TSPAN5: variants seen among roughly 807,000 people sequenced by gnomAD.
TSPAN5 encodes the protein tetraspanin-5.
In TSPAN5, 10 loss-of-function variants were observed where a neutral mutation model predicts 37.1. That is an observed-to-expected ratio of 0.27 (90% CI 0.17 to 0.46). The LOEUF (loss-of-function observed/expected upper bound fraction) is 0.46, where lower values mean the gene tolerates loss of function less well. TSPAN5 is among the 20% of genes least tolerant of loss of function. The pLI, the probability that TSPAN5 is intolerant of heterozygous loss-of-function variation, is 1.00. For missense variants in TSPAN5, 195 were observed against 326.6 expected, an observed-to-expected ratio of 0.60 and a Z score of 3.11; for synonymous variants, 110 against 118.9, an observed-to-expected ratio of 0.93 and a Z score of 0.48.
At chr4:98,638,267 A>G (rs1756898716) in intron 1 of TSPAN5, among the ~76,000 whole-genome samples, 1 of 152,212 alleles carries the variant, frequency 6.6e-6, no homozygotes, top group Non-Finnish European at 1.5e-5. Flanking sequence ...AGGTACAACA[A>G]TGTCAGTAAA....
chr4:98,592,285 C>G (rs1037597101), intron 1 of TSPAN5, among the ~76,000 whole-genome samples: 3 of 149,476 alleles, frequency 2.0e-5, no homozygotes, highest in South Asian at 4.2e-4. Flanking sequence ...AAAGACCAGA[C>G]AGAACCAGTA....
At chr4:98,550,707 T>C (rs537378582) in intron 1 of TSPAN5, among the ~76,000 whole-genome samples, 2 of 152,104 alleles carry the variant, frequency 1.3e-5, no homozygotes, top group South Asian at 4.2e-4. Flanking sequence ...GAAAAGCTAC[T>C]GATTTCTATA....
intron 1 of TSPAN5, among the ~76,000 whole-genome samples, chr4:98,531,396 A>AACTCAT (rs2110128980): frequency 6.6e-6 from 1 of 152,322 alleles, no homozygotes; most frequent in African/African-American, 2.4e-5. Flanking sequence ...AAAGGACATG[A>AACTCAT]ACTCATCCTT....
At chr4:98,606,577 T>C (rs186150404) in intron 1 of TSPAN5, among the ~76,000 whole-genome samples, 52 of 152,332 alleles carry the variant, frequency 3.4e-4, no homozygotes, top group African/African-American at 1.2e-3. Flanking sequence ...AAAACATACT[T>C]TGAAGTATTT....
chr4:98,541,790 C>T (rs1287132826), intron 1 of TSPAN5, among the ~76,000 whole-genome samples: 1 of 152,036 alleles, frequency 6.6e-6, no homozygotes, highest in African/African-American at 2.4e-5. Flanking sequence ...AATCACCTCA[C>T]CCATCTGGGT....
chr4:98,558,309 A>G (rs989982117), intron 1 of TSPAN5, among the ~76,000 whole-genome samples: 2 of 152,216 alleles, frequency 1.3e-5, no homozygotes, highest in South Asian at 2.1e-4. Flanking sequence ...ATGGGTGCAC[A>G]GTAAATGGAA....
chr4:98,470,421 TA>T lies in TSPAN5; in HGVS notation c.*2100del, dbSNP rs1752555589. ...CCTTTATTACAATCACTCTCAAGTG[TA>T]AAAAATAAAGGGTGATTAATTAATA... On this transcript the variant is annotated 3_prime_UTR_variant, in exon 8 of 8. Coordinates refer to ENST00000305798, the MANE Select transcript of TSPAN5 (RefSeq NM_005723.4). The T allele has an allele frequency of 6.6e-6, 1 of 152,190 alleles. No individual in the cohort carries two copies. Among genetic ancestry groups the T allele is most frequent in the Non-Finnish European group, 1.5e-5 (1 of 68,034 alleles). The allele number at this position is 152,190 out of a possible 1,614,324, so 9.4% of individuals were successfully genotyped here. A position where few individuals can be genotyped will look rare whatever the true frequency, so the allele number is the denominator to read the frequency against.
chr4:98,510,239 G>A (rs1365720809), intron 1 of TSPAN5, among the ~76,000 whole-genome samples: 1 of 152,188 alleles, frequency 6.6e-6, no homozygotes, highest in Non-Finnish European at 1.5e-5. Flanking sequence ...CTTCTAAGCA[G>A]AGGAGCAGAG....
chr4:98,570,948 G>A (rs541866485), intron 1 of TSPAN5, among the ~76,000 whole-genome samples: 62 of 151,650 alleles, frequency 4.1e-4, no homozygotes, highest in Middle Eastern at 3.4e-3. Flanking sequence ...AGAGGTGGAG[G>A]TTGCAGCGAG....
At chr4:98,543,827 G>A (rs771314643) in intron 1 of TSPAN5, among the ~76,000 whole-genome samples, 5 of 151,872 alleles carry the variant, frequency 3.3e-5, no homozygotes, top group African/African-American at 7.3e-5. Flanking sequence ...TGAACTTCAC[G>A]ACATTTGATT....
At chr4:98,518,485 G>A (rs1362743714) in intron 1 of TSPAN5, among the ~76,000 whole-genome samples, 2 of 152,206 alleles carry the variant, frequency 1.3e-5, no homozygotes, top group African/African-American at 4.8e-5. Context: ...CACATGGGTT[G>A]CCACAGAAAC....
At chr4:98,528,549 C>A (rs1046953915) in intron 1 of TSPAN5, among the ~76,000 whole-genome samples, 3 of 151,238 alleles carry the variant, frequency 2.0e-5, no homozygotes, top group Admixed American at 6.6e-5. Flanking sequence ...TTATATTGAA[C>A]AAAACAGCAA....
intron 1 of TSPAN5, among the ~76,000 whole-genome samples, chr4:98,612,080 AC>A (rs1756209787): frequency 6.6e-6 from 1 of 152,248 alleles, no homozygotes; most frequent in Non-Finnish European, 1.5e-5. Context: ...AGACACTGTC[AC>A]CTGTCAGTAA....
At chr4:98,570,545 G>A (rs1755095811) in intron 1 of TSPAN5, among the ~76,000 whole-genome samples, 1 of 152,116 alleles carries the variant, frequency 6.6e-6, no homozygotes, top group Admixed American at 6.5e-5. Flanking sequence ...CTTGTCTATA[G>A]GGCATATATA....
At chr4:98,496,469 A>G (rs763377108) in intron 2 of TSPAN5, 1 of 152,040 alleles carries the variant, frequency 6.6e-6, no homozygotes, top group Non-Finnish European at 1.5e-5. Context: ...GCTCCTTCCC[A>G]TTTTTTCTTG....
intron 1 of TSPAN5, among the ~76,000 whole-genome samples, chr4:98,522,928 C>T (rs1753885992): frequency 2.6e-5 from 4 of 152,300 alleles, no homozygotes; most frequent in African/African-American, 9.6e-5. Flanking sequence ...AGAACATCAG[C>T]ACTGCATACT....
chr4:98,622,224 T>C (rs1756497826), intron 1 of TSPAN5, among the ~76,000 whole-genome samples: 1 of 152,128 alleles, frequency 6.6e-6, no homozygotes. Flanking sequence ...GGATTACAGG[T>C]GCCCACTACT....
chr4:98,638,951 C>CT (rs1268046447), intron 1 of TSPAN5, among the ~76,000 whole-genome samples: 1 of 152,208 alleles, frequency 6.6e-6, no homozygotes, highest in African/African-American at 2.4e-5. Context: ...GGGAAACCTG[C>CT]TGCTTTATAG....
intron 1 of TSPAN5, among the ~76,000 whole-genome samples, chr4:98,608,418 T>C (rs1579026581): frequency 6.6e-6 from 1 of 152,086 alleles, no homozygotes; most frequent in African/African-American, 2.4e-5. Flanking sequence ...GCAGGTAAAA[T>C]AAGTCTCCAC....
Sources: allele counts gnomAD v4.1 joint callset (sites outside exome capture counted in the v4.1 genomes callset), GRCh38; gene constraint gnomAD v4.1.1; transcripts MANE v1.5; gene names NCBI Gene and HGNC (gene_info 2026-07-23, HGNC 2026-07-21).